Variants in SRGAP2C observed in about 807,000 individuals in gnomAD.
SRGAP2C encodes the protein SLIT-ROBO Rho GTPase activating protein 2C.
A neutral mutation model predicts 25.1 loss-of-function variants in SRGAP2C; 15 were observed. The observed-to-expected ratio is 0.60, with a 90% confidence interval of 0.40 to 0.92. The LOEUF (loss-of-function observed/expected upper bound fraction) is 0.92, where lower values mean the gene tolerates loss of function less well. Ranked by LOEUF, SRGAP2C falls within the 40% of genes least tolerant of loss-of-function variation. The probability of loss-of-function intolerance (pLI) is 0.00; values close to 1 mark genes in which losing one functional copy is unlikely to be tolerated. For synonymous variants in SRGAP2C, 44 were observed against 96.6 expected (o/e 0.46, Z 3.19); for missense variants, 144 against 264.4 (o/e 0.54, Z 3.16).
chr1:121,362,718 G>A (rs1659227474), intron 4 of SRGAP2C: 1 of 150,636 alleles, frequency 6.6e-6, no homozygotes, highest in African/African-American at 2.4e-5. Context: ...TGCTGACTCT[G>A]GGGCTCAGAG....
intron 2 of SRGAP2C, among the ~76,000 whole-genome samples, chr1:121,206,505 T>C (rs1655112818): frequency 6.6e-6 from 1 of 151,910 alleles, no homozygotes; most frequent in African/African-American, 2.4e-5. Flanking sequence ...TGATGAAGTG[T>C]GATGAAGTCA....
At chr1:121,273,708 A>G (rs587641998) in intron 2 of SRGAP2C, among the ~76,000 whole-genome samples, 1 of 152,018 alleles carries the variant, frequency 6.6e-6, no homozygotes, top group East Asian at 1.9e-4. Context: ...CCACTGGGGC[A>G]AGGAGGGAAA....
intron 4 of SRGAP2C, among the ~76,000 whole-genome samples, chr1:121,331,377 CAG>C (rs1221479457): frequency 5.0e-5 from 1 of 19,894 alleles, no homozygotes; most frequent in Non-Finnish European, 8.8e-5. Flanking sequence ...CAGAGGGAAA[CAG>C]AGTCATAGAG....
At chr1:121,189,096 CTTTTTTTTT>C (rs1172103186) in intron 2 of SRGAP2C, among the ~76,000 whole-genome samples, 1 of 29,064 alleles carries the variant, frequency 3.4e-5, no homozygotes, top group African/African-American at 2.1e-4. Context: ...CCAGATATGT[CTTTTTTTTT>C]TTTTTTTTTT....
At chr1:121,266,119 T>G (rs1287124800) in intron 2 of SRGAP2C, among the ~76,000 whole-genome samples, 4 of 151,242 alleles carry the variant, frequency 2.6e-5, no homozygotes, top group African/African-American at 9.7e-5. Flanking sequence ...GAATTACAGG[T>G]GCCTACACCA....
At chr1:121,264,567 C>A (rs1656717175) in intron 2 of SRGAP2C, among the ~76,000 whole-genome samples, 1 of 137,260 alleles carries the variant, frequency 7.3e-6, no homozygotes, top group African/African-American at 2.7e-5. Context: ...ATTTCGGTTC[C>A]TTGCATGCAG....
intron 2 of SRGAP2C, among the ~76,000 whole-genome samples, chr1:121,255,479 A>G (rs1297946970): frequency 6.7e-6 from 1 of 150,306 alleles, no homozygotes; most frequent in Non-Finnish European, 1.5e-5. Flanking sequence ...ATGTCCTAGT[A>G]TTTTTTCCTA....
At position 121,254,395 on chromosome 1, in the gene SRGAP2C, G is replaced by A. The variant is rs587656787; in HGVS notation, c.68-30408G>A. Reference sequence around the variant, plus strand: ...GGTACCCCCAGACCATTGCGTTAAAGCGTTCAGGATAGTGCTCTGCTGATT... The same window carrying A: ...GGTACCCCCAGACCATTGCGTTAAAACGTTCAGGATAGTGCTCTGCTGATT... On this transcript the variant is annotated intron_variant, in intron 2 of 9. Coordinates refer to ENST00000367123, the MANE Select transcript of SRGAP2C (RefSeq NM_001329984.2). 6.1e-5 allele frequency among the ~76,000 whole-genome samples: 4 copies of A among 65,144 alleles called. 2 individuals are homozygous for A. The highest frequency in any genetic ancestry group is 6.0e-4 in the Admixed American group (4 of 6,706). The allele number at this position is 65,144 out of a possible 152,430, so 42.7% of individuals were successfully genotyped here. A position where few individuals can be genotyped will look rare whatever the true frequency, so the allele number is the denominator to read the frequency against.
intron 3 of SRGAP2C, among the ~76,000 whole-genome samples, chr1:121,303,490 T>C (rs1570771349): frequency 1.3e-5 from 2 of 152,138 alleles, no homozygotes. Flanking sequence ...GCTTAACTTG[T>C]ACTTTCCTTG....
At chr1:121,281,355 T>C (rs1657238121) in intron 2 of SRGAP2C, among the ~76,000 whole-genome samples, 1 of 151,720 alleles carries the variant, frequency 6.6e-6, no homozygotes, top group African/African-American at 2.4e-5. Flanking sequence ...TCATTCTCTT[T>C]CTTCTTTCTT....
chr1:121,322,493 A>G (rs1161601695), intron 3 of SRGAP2C, among the ~76,000 whole-genome samples: 1 of 78,542 alleles, frequency 1.3e-5, no homozygotes, highest in Non-Finnish European at 2.4e-5. Context: ...CAGCTGGTAT[A>G]TTTTTGATTT....
chr1:121,350,814 T>C (rs587725629), intron 4 of SRGAP2C, among the ~76,000 whole-genome samples: 164 of 151,010 alleles, frequency 1.1e-3, no homozygotes, highest in African/African-American at 3.8e-3. Flanking sequence ...AAGACAGCTA[T>C]AGAATGAGAA....
chr1:121,350,475 C>G (rs1658873088), intron 4 of SRGAP2C, among the ~76,000 whole-genome samples: 1 of 151,322 alleles, frequency 6.6e-6, no homozygotes, highest in Non-Finnish European at 1.5e-5. Context: ...AGAGAAACAG[C>G]TAGACACACA....
intron 3 of SRGAP2C, among the ~76,000 whole-genome samples, chr1:121,310,050 AG>A (rs1657946456): frequency 9.1e-5 from 1 of 11,006 alleles, no homozygotes; most frequent in Non-Finnish European, 1.8e-4. Flanking sequence ...ACAGTGTAAA[AG>A]TGTTCCTATT....
chr1:121,374,626 G>C (rs1659588879), intron 6 of SRGAP2C, among the ~76,000 whole-genome samples, 200 bp from the exon 7 acceptor site: 1 of 152,088 alleles, frequency 6.6e-6, no homozygotes, highest in African/African-American at 2.4e-5. Context: ...CTTAAGTAGG[G>C]AGCCTCATTA....
At chr1:121,208,634 A>C (rs1553322941) in intron 2 of SRGAP2C, among the ~76,000 whole-genome samples, 1 of 152,094 alleles carries the variant, frequency 6.6e-6, no homozygotes, top group Admixed American at 6.6e-5. Flanking sequence ...GGTCATACCA[A>C]TCACACTATT....
chr1:121,391,960 G>T lies in SRGAP2C; in HGVS notation c.*4105G>T, dbSNP rs1346339479. 1.3e-5 allele frequency: 2 copies of T among 152,286 alleles called. No individual in the cohort carries two copies. Among genetic ancestry groups the T allele is most frequent in the Admixed American group, 6.5e-5 (1 of 15,294 alleles). The allele number at this position is 152,286 out of a possible 1,614,324, so 9.4% of individuals were successfully genotyped here. A position where few individuals can be genotyped will look rare whatever the true frequency, so the allele number is the denominator to read the frequency against. ...ATGTCAAAAGGAAAACATAAACAAAGAAATAAAGGAATCAGAAAAAATATT... is the reference window on the plus strand; with the variant it reads ...ATGTCAAAAGGAAAACATAAACAAATAAATAAAGGAATCAGAAAAAATATT... On this transcript the variant is annotated 3_prime_UTR_variant, in exon 10 of 10. Coordinates refer to ENST00000367123, the MANE Select transcript of SRGAP2C (RefSeq NM_001329984.2).
At chr1:121,308,836 G>C (rs1657910713) in intron 3 of SRGAP2C, among the ~76,000 whole-genome samples, 1 of 145,082 alleles carries the variant, frequency 6.9e-6, no homozygotes, top group Non-Finnish European at 1.5e-5. Context: ...CTACTCAGGA[G>C]GCTGAGGCAG....
intron 2 of SRGAP2C, among the ~76,000 whole-genome samples, chr1:121,207,889 C>T (rs1490243214): frequency 1.3e-5 from 2 of 152,112 alleles, no homozygotes; most frequent in African/African-American, 4.8e-5. Context: ...AGAGATTACC[C>T]ACAGTTGGCT....
Sources: gnomAD v4.1 joint callset for allele counts (sites outside exome capture counted in the v4.1 genomes callset) on GRCh38, gnomAD v4.1.1 for gene constraint, MANE v1.5 for transcripts, NCBI Gene and HGNC (gene_info 2026-07-23, HGNC 2026-07-21) for gene names.